The following DENND2A variants were observed in gnomAD, a reference collection of about 807,000 sequenced individuals.
DENND2A encodes the protein DENN domain-containing protein 2A.
In DENND2A, 53 loss-of-function variants were observed where a neutral mutation model predicts 105.3. The observed-to-expected ratio is 0.50, with a 90% CI of 0.40 to 0.63. DENND2A has a LOEUF of 0.63. Among genes scored for constraint, DENND2A ranks in the 30% least tolerant of loss-of-function variants. The pLI is 0.00. For missense variants in DENND2A, 1,138 were observed against 1,279.6 expected (o/e 0.89, Z 1.69); for synonymous variants, 522 against 508.4 (o/e 1.03, Z -0.36).
Position 140,523,372 on chromosome 7 carries a change from T to C in DENND2A, c.2600A>G (p.His867Arg). Residue 867 changes from histidine (H) to arginine (R), a missense_variant, in exon 17 of 20, where the codon CAC (histidine) becomes CGC (arginine). His to Arg is a conservative substitution (Grantham distance 29, BLOSUM62 0). Coordinates refer to ENST00000496613, the MANE Select transcript of DENND2A (RefSeq NM_015689.5). The surrounding 1 kb of genome is among the most constrained non-coding windows in gnomAD (Gnocchi z 4.5). ...CAGCTCGTTCCTCTGTTCCAGAATG[T>C]GTTCCAGGGCCACCTGAAGCTTCCG... is the stretch of plus-strand genomic sequence containing the variant. Reference protein sequence around the residue: ...LPRKLQVALEHILEQRNELAC... With the variant: ...LPRKLQVALERILEQRNELAC... The C allele has an allele frequency of 6.2e-7, 1 of 1,614,192 alleles. No homozygotes were observed. The highest frequency in any genetic ancestry group is 8.5e-7 in the Non-Finnish European group (1 of 1,180,028).
At chr7:140,610,823 C>T (rs550671562) in intron 1 of DENND2A, among the ~76,000 whole-genome samples, 11 of 152,270 alleles carry the variant, frequency 7.2e-5, no homozygotes, top group South Asian at 2.1e-4. Flanking sequence ...GGGAGAGGAG[C>T]GGAGCCCTCA....
rs187320227 is a variant in DENND2A, at chr7:140,628,699, C to T, written c.-248+11805G>A. 1.4e-3 allele frequency among the ~76,000 whole-genome samples: 215 copies of T among 152,050 alleles called. 1 individual carries two copies. The highest frequency in any genetic ancestry group is 4.9e-3 in the African/African-American group (204 of 41,490). On this transcript the variant is annotated intron_variant, in intron 1 of 19. Transcript: ENST00000496613. ...GAACTACAGGCATGCGCCACCACGC[C>T]CGGCCAATTTTTTTGTATTTTTAGT... is the stretch of plus-strand genomic sequence containing the variant.
At chr7:140,542,052 T>G (rs367661376) in intron 14 of DENND2A, among the ~76,000 whole-genome samples, 152 of 151,500 alleles carry the variant, frequency 1.0e-3, no homozygotes, top group Middle Eastern at 6.8e-3. Context: ...GTGCTTCAGG[T>G]TTTTTTTTGT....
intron 4 of DENND2A, among the ~76,000 whole-genome samples, chr7:140,587,385 G>A (rs961184782): frequency 6.6e-6 from 1 of 152,080 alleles, no homozygotes; most frequent in Non-Finnish European, 1.5e-5. Context: ...CAGGCCCCAC[G>A]CTTCTCGCTA....
At chr7:140,535,547 G>A (rs763849563) in intron 14 of DENND2A, among the ~76,000 whole-genome samples, 13 of 151,810 alleles carry the variant, frequency 8.6e-5, no homozygotes, top group South Asian at 2.1e-4. Context: ...TCGCTAGATC[G>A]TTGCTGATGT....
chr7:140,568,114 A>G (rs1046475038), intron 8 of DENND2A, among the ~76,000 whole-genome samples: 9 of 151,850 alleles, frequency 5.9e-5, no homozygotes, highest in Non-Finnish European at 1.5e-5. Context: ...CTAATTTTTC[A>G]TATTTTTAGT....
At chr7:140,589,600 C>T (rs936150384) in intron 3 of DENND2A, among the ~76,000 whole-genome samples, 6 of 152,176 alleles carry the variant, frequency 3.9e-5, no homozygotes, top group African/African-American at 7.2e-5. Context: ...GAGAAAGGGG[C>T]TGTAGCTGTG....
chr7:140,572,940 C>T (rs1244113559), intron 6 of DENND2A, among the ~76,000 whole-genome samples: 1 of 151,944 alleles, frequency 6.6e-6, no homozygotes, highest in East Asian at 1.9e-4. Context: ...TAAAAGAGGC[C>T]CTCCTTATAA....
rs1795924889 is a variant in DENND2A at position 140,523,220 on chromosome 7, C to T, written c.2665+87G>A. 2 of 1,233,348 alleles carry T rather than the reference C, an allele frequency of 1.6e-6. No individual in the cohort carries two copies. The highest frequency in any genetic ancestry group is 3.0e-5 in the African/African-American group (2 of 67,512). 76.4% of individuals were successfully genotyped at this position (1,233,348 alleles called of 1,614,324 possible). On this transcript the variant is annotated intron_variant, in intron 17 of 19. Transcript: ENST00000496613. The surrounding 1 kb of genome is among the most constrained non-coding windows in gnomAD (Gnocchi z 4.5). ...TCCTTATGTCTCCCTTGCCCATATT[C>T]CTACTTGGCCCTTGGCCACTGCCCA...
At position 140,569,035 on chromosome 7, in the gene DENND2A, C is replaced by T. The variant is rs145171677; in HGVS notation, c.1541-222G>A. Among the ~76,000 whole-genome samples the T allele has an allele frequency of 6.8e-3, 1,033 of 152,154 alleles. 10 individuals are homozygous for T. The highest frequency in any genetic ancestry group is 0.023 in the African/African-American group (975 of 41,512). ...TGCCTTCCAGGTTCCAGTGATTCTCCTGCCTTAGCCTCCTGAGTAGCTGGG... is the reference window on the plus strand; with the variant it reads ...TGCCTTCCAGGTTCCAGTGATTCTCTTGCCTTAGCCTCCTGAGTAGCTGGG... On this transcript the variant is annotated intron_variant, in intron 7 of 19. Coordinates refer to ENST00000496613, the MANE Select transcript of DENND2A (RefSeq NM_015689.5).
intron 1 of DENND2A, among the ~76,000 whole-genome samples, chr7:140,628,536 C>CTTTTTTTTTTTTT (rs987018660): frequency 8.6e-6 from 1 of 116,136 alleles, no homozygotes; most frequent in Admixed American, 9.6e-5. Flanking sequence ...AAATTTCTTT[C>CTTTTTTTTTTTTT]TTTTTTTTTT....
chr7:140,632,328 C>T (rs1352880850), intron 1 of DENND2A, among the ~76,000 whole-genome samples: 1 of 152,104 alleles, frequency 6.6e-6, no homozygotes, highest in Non-Finnish European at 1.5e-5. Context: ...ACCCACCTGG[C>T]TTCCTCCCCT....
intron 15 of DENND2A, among the ~76,000 whole-genome samples, chr7:140,526,365 G>A (rs1478529925): frequency 2.6e-5 from 4 of 152,214 alleles, no homozygotes; most frequent in Admixed American, 6.5e-5. Context: ...TGCCTGAGGC[G>A]CAAAGGTCCC....
intron 1 of DENND2A, among the ~76,000 whole-genome samples, chr7:140,628,536 CTTTTTTTT>C (rs987018660): frequency 1.7e-5 from 2 of 116,138 alleles, no homozygotes; most frequent in Admixed American, 9.6e-5. Context: ...AAATTTCTTT[CTTTTTTTT>C]TTTTTTTTTT....
intron 6 of DENND2A, among the ~76,000 whole-genome samples, chr7:140,573,195 G>C (rs1331854891): frequency 6.6e-6 from 1 of 152,200 alleles, no homozygotes; most frequent in African/African-American, 2.4e-5. Context: ...TTTTACGTCA[G>C]TTTAAATCTA....
chr7:140,604,965 T>C (rs1005735391), intron 2 of DENND2A, among the ~76,000 whole-genome samples: 38 of 152,174 alleles, frequency 2.5e-4, no homozygotes, highest in Non-Finnish European at 5.3e-4. Flanking sequence ...CTAGTGTTAT[T>C]GTAAGTATCA....
intron 1 of DENND2A, among the ~76,000 whole-genome samples, chr7:140,631,834 T>G (rs979553083): frequency 6.6e-6 from 1 of 152,160 alleles, no homozygotes; most frequent in South Asian, 2.1e-4. Context: ...GACATTGCCC[T>G]GGCTGAAGAT....
In DENND2A at chr7:140,590,282, C is replaced by T. The variant is rs193227028; in HGVS notation, c.996-2502G>A. 1.5e-3 allele frequency among the ~76,000 whole-genome samples: 231 copies of T among 151,968 alleles called. 2 individuals are homozygous for T. The highest frequency in any genetic ancestry group is 0.01 in the South Asian group (50 of 4,800). ...GTGTGCACCTGTAATCTCAGCTACT[C>T]GGGAGGCTGAGGCAGGAGAATCGCT... On this transcript the variant is annotated intron_variant, in intron 3 of 19. Coordinates refer to ENST00000496613, the MANE Select transcript of DENND2A (RefSeq NM_015689.5).
chr7:140,577,532 G>A (rs1798354721), intron 5 of DENND2A, among the ~76,000 whole-genome samples: 1 of 151,970 alleles, frequency 6.6e-6, no homozygotes, highest in Non-Finnish European at 1.5e-5. Flanking sequence ...CGAGTAGCTG[G>A]GATTACAGGC....
Sources: gnomAD v4.1 joint callset for allele counts (sites outside exome capture counted in the v4.1 genomes callset) on GRCh38, gnomAD v4.1.1 for gene constraint, Gnocchi (gnomAD v3.1) non-coding constraint, MANE v1.5 for transcripts, NCBI Gene and HGNC (gene_info 2026-07-23, HGNC 2026-07-21) for gene names.